Variants in CALCR observed in about 807,000 individuals in gnomAD.
The protein encoded by CALCR is calcitonin receptor.
A neutral mutation model predicts 59.5 loss-of-function variants in CALCR; 47 were observed. The observed-to-expected ratio is 0.79, with a 90% CI of 0.63 to 1.01. The LOEUF (loss-of-function observed/expected upper bound fraction) is 1.01. Among genes scored for constraint, CALCR ranks in the 50% least tolerant of loss-of-function variants. CALCR has a pLI of 0.00. For synonymous variants in CALCR, 213 were observed against 211.3 expected (o/e 1.01, Z -0.07); for missense variants, 566 against 597.1 (o/e 0.95, Z 0.54).
At chr7:93,499,973 C>T (rs549063938) in intron 2 of CALCR, among the ~76,000 whole-genome samples, 2 of 151,884 alleles carry the variant, frequency 1.3e-5, no homozygotes, top group East Asian at 3.9e-4. Context: ...TGAAAAAATC[C>T]TCTTTCAGAA....
intron 9 of CALCR, chr7:93,441,572 G>A (rs754141453): frequency 2.2e-6 from 1 of 451,526 alleles, no homozygotes. Flanking sequence ...AAAAAAAATA[G>A]TAAAAGACCA....
At chr7:93,486,220 C>A (rs73221741) in intron 3 of CALCR, among the ~76,000 whole-genome samples, 1 of 151,600 alleles carries the variant, frequency 6.6e-6, no homozygotes, top group Non-Finnish European at 1.5e-5. Context: ...ATTTACTCAT[C>A]TCCCATTCAT....
intron 2 of CALCR, among the ~76,000 whole-genome samples, chr7:93,500,432 A>G (rs577503149): frequency 6.6e-6 from 1 of 152,106 alleles, no homozygotes; most frequent in Admixed American, 6.6e-5. Flanking sequence ...GTATTTAACA[A>G]TTGTTGCCAC....
Position 93,460,861 on chromosome 7 carries a change from A to C in CALCR, c.608T>G (p.Val203Gly), listed in dbSNP as rs1313526024. The change falls in exon 8 of 14, where the codon GTT becomes GGT. Residue 203 changes from valine (V) to glycine (G), a missense_variant. Coordinates refer to ENST00000426151, the MANE Select transcript of CALCR (RefSeq NM_001742.4). ...GAGCTCTCCATTGGGTACTACTTCA[A>C]CCAGGTGGATGATGATAATCATAGA... ...LNSMIIIIHL[V>G]EVVPNGELVR... 6.2e-7 allele frequency: 1 copy of C among 1,611,866 alleles called. No homozygotes were observed.
chr7:93,527,730 A>G (rs868004631), intron 2 of CALCR, among the ~76,000 whole-genome samples: 1 of 152,176 alleles, frequency 6.6e-6, no homozygotes, highest in African/African-American at 2.4e-5. Context: ...GTCCAAATCT[A>G]TTATAAAAGA....
intron 2 of CALCR, among the ~76,000 whole-genome samples, chr7:93,564,597 C>T (rs1026007396): frequency 1.3e-5 from 2 of 151,972 alleles, no homozygotes; most frequent in African/African-American, 2.4e-5. Flanking sequence ...GGATTACAGG[C>T]GCACACCACT....
At chr7:93,445,208 C>T (rs572534193) in intron 8 of CALCR, among the ~76,000 whole-genome samples, 1 of 152,022 alleles carries the variant, frequency 6.6e-6, no homozygotes, top group Non-Finnish European at 1.5e-5. Context: ...TCCCTCCCCG[C>T]CATCTGATTA....
At chr7:93,534,966 T>G (rs1788948680) in intron 2 of CALCR, among the ~76,000 whole-genome samples, 2 of 151,746 alleles carry the variant, frequency 1.3e-5, no homozygotes, top group South Asian at 4.1e-4. Context: ...ACCTTCATCT[T>G]ACAGATGAGA....
intron 8 of CALCR, among the ~76,000 whole-genome samples, chr7:93,457,151 A>G (rs1800224929): frequency 6.6e-6 from 1 of 152,154 alleles, no homozygotes; most frequent in African/African-American, 2.4e-5. Context: ...AGCAATTAAT[A>G]GAGTAACAGA....
chr7:93,531,838 A>T (rs1788848254), intron 2 of CALCR, among the ~76,000 whole-genome samples: 1 of 152,084 alleles, frequency 6.6e-6, no homozygotes. Context: ...AATGTGCAGC[A>T]ACTAAAATTT....
chr7:93,490,616 ACAAG>A (rs1801053161), intron 2 of CALCR, among the ~76,000 whole-genome samples: 1 of 151,758 alleles, frequency 6.6e-6, no homozygotes, highest in African/African-American at 2.4e-5. Context: ...CCAACAATAG[ACAAG>A]CAGAGAGCCA....
intron 3 of CALCR, among the ~76,000 whole-genome samples, chr7:93,486,116 G>T (rs1584575342): frequency 2.6e-5 from 4 of 151,686 alleles, no homozygotes; most frequent in Admixed American, 2.6e-4. Context: ...GATATTGAGT[G>T]ATCTTTGCTG....
chr7:93,452,060 T>G (rs1258413709), intron 8 of CALCR, among the ~76,000 whole-genome samples: 1 of 151,936 alleles, frequency 6.6e-6, no homozygotes, highest in Non-Finnish European at 1.5e-5. Flanking sequence ...GAAAAACCAG[T>G]TATTGGGTAC....
At chr7:93,573,061 A>G (rs1203503909) in intron 2 of CALCR, among the ~76,000 whole-genome samples, 1 of 152,176 alleles carries the variant, frequency 6.6e-6, no homozygotes, top group Non-Finnish European at 1.5e-5. Context: ...CTTAAACTGT[A>G]AAGGTTTTAC....
intron 2 of CALCR, among the ~76,000 whole-genome samples, chr7:93,505,228 G>GT (rs1801401859): frequency 6.6e-6 from 1 of 152,032 alleles, no homozygotes; most frequent in Non-Finnish European, 1.5e-5. Context: ...CCCAAAAATA[G>GT]TTTGAGTTTC....
At chr7:93,497,780 A>T (rs1050488879) in intron 2 of CALCR, among the ~76,000 whole-genome samples, 2 of 151,498 alleles carry the variant, frequency 1.3e-5, no homozygotes, top group African/African-American at 4.8e-5. Context: ...CTTGATCTCT[A>T]TTATATCTAT....
rs1345651009 is a variant in CALCR, at chr7:93,479,364, G to C, written c.195C>G (p.Tyr65Ter). Residue 65 changes from tyrosine to a stop codon, truncating the protein, a stop_gained, in exon 4 of 14, where the codon TAC becomes TAG. Transcript: ENST00000426151. LOFTEE classifies it high-confidence loss of function. ...CYDRMQQLPA[Y>*]QGEGPYCNRT... ...TATCCTTCTCTTTACCTTCTCCTTG[G>C]TATGCGGGTAACTGCTGCATTCGGT... 2.5e-6 allele frequency: 4 copies of C among 1,608,530 alleles called. No individual in the cohort carries two copies. In the Admixed American group the frequency reaches 6.8e-5, roughly 27 times the overall value.
At chr7:93,453,258 G>C (rs1234799798) in intron 8 of CALCR, among the ~76,000 whole-genome samples, 1 of 151,962 alleles carries the variant, frequency 6.6e-6, no homozygotes, top group African/African-American at 2.4e-5. Context: ...TGGACTTTAG[G>C]CATATTAGCT....
intron 8 of CALCR, among the ~76,000 whole-genome samples, chr7:93,451,086 T>G (rs1268209216): frequency 6.6e-6 from 1 of 151,942 alleles, no homozygotes; most frequent in Non-Finnish European, 1.5e-5. Flanking sequence ...AATGCCTTTC[T>G]GGTCTTGAGA....
Sources: allele counts gnomAD v4.1 joint callset (sites outside exome capture counted in the v4.1 genomes callset), GRCh38; gene constraint gnomAD v4.1.1; transcripts MANE v1.5; gene names NCBI Gene and HGNC (gene_info 2026-07-23, HGNC 2026-07-21).